The following COG5 variants were observed in gnomAD, a reference collection of about 807,000 sequenced individuals.
COG5 encodes the protein component of oligomeric golgi complex 5.
Under a neutral mutation model 110.4 loss-of-function variants are expected in COG5, and 86 were observed. That is an observed-to-expected ratio of 0.78 (90% confidence interval 0.65 to 0.93). The LOEUF is 0.93. Ranked by LOEUF, COG5 falls within the 40% of genes least tolerant of loss-of-function variation. COG5 has a pLI of 0.00. For synonymous variants in COG5, 360 were observed against 334.6 expected (o/e 1.08, Z -0.83); for missense variants, 1,077 against 987.0 (o/e 1.09, Z -1.22).
At position 107,417,071 on chromosome 7, in the gene COG5, T is replaced by C. The variant is rs111982634; in HGVS notation, c.539-4439A>G. Reference sequence around the variant, plus strand: ...CAGCATATATCCTCCTCCTGGATATTTATGTGAGAAAGTGCAGAGAAAGGA... The same window carrying C: ...CAGCATATATCCTCCTCCTGGATATCTATGTGAGAAAGTGCAGAGAAAGGA... On this transcript the variant is annotated intron_variant, in intron 6 of 21. Transcript: ENST00000297135. Among the ~76,000 whole-genome samples the C allele has an allele frequency of 6.1e-3, 932 of 152,198 alleles. 3 individuals are homozygous for C. The highest frequency in any genetic ancestry group is 9.7e-3 in the Non-Finnish European group (657 of 68,006).
At chr7:107,514,817 A>G (rs989957015) in intron 6 of COG5, among the ~76,000 whole-genome samples, 10 of 152,216 alleles carry the variant, frequency 6.6e-5, no homozygotes, top group Non-Finnish European at 1.2e-4. Context: ...TTTTATGATA[A>G]AAGAATGACC....
intron 17 of COG5, among the ~76,000 whole-genome samples, chr7:107,239,290 T>C (rs1801438595): frequency 1.3e-5 from 2 of 152,206 alleles, no homozygotes; most frequent in South Asian, 4.1e-4. Flanking sequence ...TGTGAGCTCA[T>C]TTCTGGGCTC....
intron 16 of COG5, among the ~76,000 whole-genome samples, chr7:107,250,528 C>G (rs1426687928): frequency 6.6e-6 from 1 of 151,830 alleles, no homozygotes; most frequent in Non-Finnish European, 1.5e-5. Context: ...ATATAAAATG[C>G]TAGGAAATTT....
chr7:107,226,813 CT>C (rs1800373722), intron 19 of COG5, among the ~76,000 whole-genome samples: 1 of 152,204 alleles, frequency 6.6e-6, no homozygotes, highest in Non-Finnish European at 1.5e-5. Flanking sequence ...CATCAAACAA[CT>C]GAGAAAGCAC....
At chr7:107,230,988 G>A (rs906833504) in intron 18 of COG5, among the ~76,000 whole-genome samples, 1 of 152,092 alleles carries the variant, frequency 6.6e-6, no homozygotes, top group Non-Finnish European at 1.5e-5. Context: ...TAAGGAAAAG[G>A]AAAATTTTCA....
At chr7:107,295,060 CACACACATAT>C (rs1368107800) in intron 12 of COG5, among the ~76,000 whole-genome samples, 7 of 56,390 alleles carry the variant, frequency 1.2e-4, no homozygotes, top group African/African-American at 2.6e-4. Context: ...CACACACACA[CACACACATAT>C]ATATATATAT....
At chr7:107,303,411 A>C (rs7357192) in intron 11 of COG5, among the ~76,000 whole-genome samples, 1 of 151,880 alleles carries the variant, frequency 6.6e-6, no homozygotes, top group Non-Finnish European at 1.5e-5. Flanking sequence ...AAATCTTGAC[A>C]CTAAGTTTTT....
At chr7:107,429,285 A>G (rs746690895) in intron 6 of COG5, among the ~76,000 whole-genome samples, 3 of 152,158 alleles carry the variant, frequency 2.0e-5, no homozygotes, top group Non-Finnish European at 2.9e-5. Flanking sequence ...GAGGGAGTAG[A>G]ATGTTACCAT....
intron 6 of COG5, among the ~76,000 whole-genome samples, chr7:107,517,948 G>T (rs966011984): frequency 6.6e-6 from 1 of 151,974 alleles, no homozygotes; most frequent in African/African-American, 2.4e-5. Context: ...TGCCCGCCTC[G>T]GCGTCCCAAA....
At chr7:107,330,543 C>G (rs1810149115) in intron 10 of COG5, among the ~76,000 whole-genome samples, 1 of 152,092 alleles carries the variant, frequency 6.6e-6, no homozygotes, top group African/African-American at 2.4e-5. Flanking sequence ...CCAAATTGAC[C>G]ATGGATTTCC....
At chr7:107,217,076 C>A (rs1320734122) in intron 19 of COG5, among the ~76,000 whole-genome samples, 3 of 151,850 alleles carry the variant, frequency 2.0e-5, no homozygotes, top group Admixed American at 1.3e-4. Flanking sequence ...GGATAATGAG[C>A]GATTACTATG....
At chr7:107,539,684 C>G (rs74339141) in intron 5 of COG5, among the ~76,000 whole-genome samples, 1,787 of 152,146 alleles carry the variant, frequency 0.012, 32 homozygotes, top group African/African-American at 0.041. Context: ...GTAAAAACCC[C>G]TAAACTGTAC....
chr7:107,295,101 A>ATATT (rs1289733590), intron 12 of COG5, among the ~76,000 whole-genome samples: 7 of 45,540 alleles, frequency 1.5e-4, no homozygotes, highest in Non-Finnish European at 2.7e-4. Context: ...ATATATATAT[A>ATATT]TTTTTTTTTT....
At chr7:107,546,230 G>A (rs763006190) in intron 5 of COG5, among the ~76,000 whole-genome samples, 15 of 151,970 alleles carry the variant, frequency 9.9e-5, no homozygotes, top group Admixed American at 9.2e-4. Flanking sequence ...GTTCTAAGAC[G>A]AAAGTTTACA....
chr7:107,209,697 TGA>T (rs1799025419), intron 21 of COG5: 1 of 482,790 alleles, frequency 2.1e-6, no homozygotes, highest in Non-Finnish European at 2.7e-6. Context: ...ATGCAAGCTC[TGA>T]GAGGACAGGG....
chr7:107,212,676 G>A (rs915290304), intron 19 of COG5, among the ~76,000 whole-genome samples: 4 of 152,106 alleles, frequency 2.6e-5, no homozygotes, highest in African/African-American at 4.8e-5. Flanking sequence ...AGAACTTCCC[G>A]GCTTCATTGC....
intron 16 of COG5, among the ~76,000 whole-genome samples, chr7:107,256,516 T>C (rs1200194615): frequency 1.3e-5 from 2 of 152,200 alleles, no homozygotes; most frequent in Admixed American, 6.5e-5. Flanking sequence ...CTGTCATAAG[T>C]AGAACACAAT....
chr7:107,294,930 T>TACAC (rs1290144852), intron 12 of COG5, among the ~76,000 whole-genome samples: 28 of 100,982 alleles, frequency 2.8e-4, no homozygotes, highest in African/African-American at 7.2e-4. Context: ...TGTGTATATA[T>TACAC]ACACACACAC....
chr7:107,510,465 C>A (rs1327426950), intron 6 of COG5, among the ~76,000 whole-genome samples: 3 of 152,140 alleles, frequency 2.0e-5, no homozygotes, highest in Non-Finnish European at 2.9e-5. Flanking sequence ...TTTAACAACC[C>A]ACTGTCAACA....
Sources: allele counts gnomAD v4.1 joint callset (sites outside exome capture counted in the v4.1 genomes callset), GRCh38; gene constraint gnomAD v4.1.1; transcripts MANE v1.5; gene names NCBI Gene and HGNC (gene_info 2026-07-23, HGNC 2026-07-21).